The following ZBTB41 variants were observed in gnomAD, a reference collection of about 807,000 sequenced individuals.
The protein encoded by ZBTB41 is zinc finger and BTB domain-containing protein 41.
ZBTB41 carries 42 observed loss-of-function variants against 87.6 expected under a neutral mutation model. That is an observed-to-expected ratio of 0.48 (90% CI 0.37 to 0.62). The LOEUF (loss-of-function observed/expected upper bound fraction) is 0.62. Ranked by LOEUF, ZBTB41 falls within the 20% of genes least tolerant of loss-of-function variation. ZBTB41 has a pLI of 0.00. For synonymous variants in ZBTB41, 364 were observed against 364.0 expected (o/e 1.00, Z 0.00); for missense variants, 799 against 1,078.9 (o/e 0.74, Z 3.63).
intron 2 of ZBTB41, among the ~76,000 whole-genome samples, chr1:197,197,694 C>A (rs528059115): frequency 1.1e-3 from 168 of 151,992 alleles, no homozygotes; most frequent in Middle Eastern, 6.8e-3. Context: ...CTCTAGTTTC[C>A]TAGGATGCTC....
chr1:197,161,913 T>G (rs527419872), intron 10 of ZBTB41, among the ~76,000 whole-genome samples: 1 of 152,000 alleles, frequency 6.6e-6, no homozygotes, highest in African/African-American at 2.4e-5. Context: ...AGAGTCTACT[T>G]TTATAGACAA....
chr1:197,188,184 A>T lies in ZBTB41; in HGVS notation c.1546+108T>A, dbSNP rs781477393. The T allele has an allele frequency of 5.3e-4, 712 of 1,352,090 alleles. 1 individual carries two copies. The highest frequency in any genetic ancestry group is 7.1e-4 in the Non-Finnish European group (692 of 980,612). 83.8% of individuals were successfully genotyped at this position (1,352,090 alleles called of 1,614,324 possible). A position where few individuals can be genotyped will look rare whatever the true frequency, so the allele number is the denominator to read the frequency against. ...TTGCTGTGAACCTAAAACCACTCTTAAAAAGTCTTTTAGAAGAAAAAGAGT... is the reference window on the plus strand; with the variant it reads ...TTGCTGTGAACCTAAAACCACTCTTTAAAAGTCTTTTAGAAGAAAAAGAGT... On this transcript the variant is annotated intron_variant, in intron 5 of 10. Transcript: ENST00000367405.
At chr1:197,191,305 C>G (rs1660025091) in intron 3 of ZBTB41, among the ~76,000 whole-genome samples, 1 of 151,364 alleles carries the variant, frequency 6.6e-6, no homozygotes, top group Non-Finnish European at 1.5e-5. Context: ...ACAAAAAATA[C>G]AAAAATTAGC....
In ZBTB41 at chr1:197,155,390, T is replaced by C. The variant is rs1659042450; in HGVS notation, c.*3969A>G. The C allele has an allele frequency of 6.6e-6, 1 of 151,778 alleles. No individual in the cohort carries two copies. Among genetic ancestry groups the C allele is most frequent in the South Asian group, 2.1e-4 (1 of 4,820 alleles). The allele number at this position is 151,778 out of a possible 1,614,324, so 9.4% of individuals were successfully genotyped here. A position where few individuals can be genotyped will look rare whatever the true frequency, so the allele number is the denominator to read the frequency against. ...AAAAAAAAATAAAAATAAAAATCTA[T>C]TAATCAGTACAATCTAGCCAGCAGA... On this transcript the variant is annotated 3_prime_UTR_variant, in exon 11 of 11. Transcript: ENST00000367405.
chr1:197,159,753 G>A lies in ZBTB41; in HGVS notation c.2336C>T (p.Thr779Ile). 1.2e-6 allele frequency: 2 copies of A among 1,613,966 alleles called. No homozygotes were observed. The highest frequency in any genetic ancestry group is 1.3e-5 in the African/African-American group (1 of 75,012). Residue 779 changes from threonine to isoleucine, a missense_variant, in exon 11 of 11, where the codon ACA (threonine) becomes ATA (isoleucine). Transcript: ENST00000367405. ...EYSSDDKIFQ[T>I]ETKQYMDQPK... The stretch of plus-strand genomic sequence containing the variant: ...CTGGTCCATATATTGTTTTGTTTCT[G>A]TTTGAAAGATTTTGTCATCAGATGA...
At chr1:197,167,486 A>T (rs972019927) in intron 10 of ZBTB41, among the ~76,000 whole-genome samples, 2 of 152,170 alleles carry the variant, frequency 1.3e-5, no homozygotes, top group African/African-American at 4.8e-5. Context: ...TTTGTGAGCC[A>T]TCGCACCAAG....
intron 2 of ZBTB41, among the ~76,000 whole-genome samples, chr1:197,192,140 C>A (rs1470047206): frequency 6.6e-6 from 1 of 151,968 alleles, no homozygotes; most frequent in Non-Finnish European, 1.5e-5. Flanking sequence ...AAAAAATATT[C>A]ATGATCACAC....
Position 197,200,107 on chromosome 1 carries a change from T to C in ZBTB41, c.367A>G (p.Thr123Ala). The change falls in exon 2 of 11, where the codon ACT becomes GCT. Residue 123 changes from threonine to alanine, a missense_variant. Thr to Ala is a moderately conservative substitution (Grantham distance 58). Coordinates refer to ENST00000367405, the MANE Select transcript of ZBTB41 (RefSeq NM_194314.3). The part of the protein sequence containing the change: ...FHACLSKNPS[T>A]DVVTLDHVTH... ...ACGTGATCCAGGGTGACAACATCAGTGCTTGGATTTTTGCTCAAACACGCA... is the reference window on the plus strand; with the variant it reads ...ACGTGATCCAGGGTGACAACATCAGCGCTTGGATTTTTGCTCAAACACGCA... The C allele has an allele frequency of 1.9e-6, 3 of 1,613,898 alleles. No individual in the cohort carries two copies. Among genetic ancestry groups the C allele is most frequent in the Middle Eastern group, 1.6e-4 (1 of 6,062 alleles).
At chr1:197,193,132 T>C (rs753444000) in intron 2 of ZBTB41, among the ~76,000 whole-genome samples, 4 of 152,084 alleles carry the variant, frequency 2.6e-5, no homozygotes, top group Non-Finnish European at 2.9e-5. Context: ...CCTAAATTAG[T>C]TGCGCGATTT....
At chr1:197,168,072 T>C (rs1472658415) in intron 10 of ZBTB41, among the ~76,000 whole-genome samples, 3 of 152,036 alleles carry the variant, frequency 2.0e-5, no homozygotes, top group Non-Finnish European at 4.4e-5. Context: ...GCAAGGTCAC[T>C]GGATAAAAAG....
At chr1:197,170,703 T>C (rs1659458623) in intron 10 of ZBTB41, among the ~76,000 whole-genome samples, 1 of 152,150 alleles carries the variant, frequency 6.6e-6, no homozygotes, top group African/African-American at 2.4e-5. Flanking sequence ...TGAGAGTTGG[T>C]AAATAGAGTT....
rs144266663 is a variant in ZBTB41, at chr1:197,200,446, T to G, written c.28A>C (p.Asn10His). 63 of 1,600,796 alleles carry G rather than the reference T, an allele frequency of 3.9e-5. No individual in the cohort carries two copies. The highest frequency in any genetic ancestry group is 5.1e-5 in the Non-Finnish European group (60 of 1,175,714). The change falls in exon 2 of 11, where the codon AAT becomes CAT. Residue 10 changes from asparagine (N) to histidine (H), a missense_variant. Asn to His is a moderately conservative substitution (Grantham distance 68). This residue lies in a region of ZBTB41 where 77 missense variants were observed against 68.4 expected (regional missense o/e 1.13). Transcript: ENST00000367405. ...TAGCCTAGATGGATCTTCTCAAGAT[T>G]TGAAGTAACCTTTCTCCTCTTCTTC... is the stretch of plus-strand genomic sequence containing the variant. MKKRRKVTS[N>H]LEKIHLGYHK... is the part of the protein sequence containing the mutation.
chr1:197,201,056 G>C (rs1652775819), intron 1 of ZBTB41, among the ~76,000 whole-genome samples, 167 bp downstream of exon 1: 1 of 152,206 alleles, frequency 6.6e-6, no homozygotes, highest in Admixed American at 6.5e-5. Flanking sequence ...GGTGAGAGAC[G>C]GCCCCAGGAG....
chr1:197,193,979 A>G (rs1660095196), intron 2 of ZBTB41, among the ~76,000 whole-genome samples: 1 of 152,068 alleles, frequency 6.6e-6, no homozygotes, highest in Non-Finnish European at 1.5e-5. Context: ...CTCAAGATTG[A>G]GAGACAACTT....
chr1:197,189,849 G>A (rs1571665810), intron 4 of ZBTB41, among the ~76,000 whole-genome samples: 2 of 152,296 alleles, frequency 1.3e-5, no homozygotes, highest in East Asian at 3.9e-4. Flanking sequence ...GAAGAACTAA[G>A]GTTCCTGGTA....
intron 10 of ZBTB41, among the ~76,000 whole-genome samples, chr1:197,169,915 T>A (rs913951144): frequency 6.6e-6 from 1 of 151,990 alleles, no homozygotes; most frequent in Admixed American, 6.6e-5. Flanking sequence ...GAAAATCTTA[T>A]ATACATTTTC....
chr1:197,197,942 C>T (rs1394468102), intron 2 of ZBTB41, among the ~76,000 whole-genome samples: 2 of 152,120 alleles, frequency 1.3e-5, no homozygotes, highest in African/African-American at 2.4e-5. Flanking sequence ...GTGAACTCAT[C>T]CCTATTCACT....
intron 5 of ZBTB41, among the ~76,000 whole-genome samples, chr1:197,182,716 A>T (rs901440224): frequency 6.6e-6 from 1 of 152,222 alleles, no homozygotes; most frequent in Admixed American, 6.5e-5. Context: ...TTCCTAATGT[A>T]GACAGTATGA....
At chr1:197,194,398 C>T (rs555289412) in intron 2 of ZBTB41, among the ~76,000 whole-genome samples, 1 of 152,080 alleles carries the variant, frequency 6.6e-6, no homozygotes, top group East Asian at 1.9e-4. Flanking sequence ...CATTTACTTG[C>T]TATGAAAATG....
Sources: gnomAD v4.1 joint callset for allele counts (sites outside exome capture counted in the v4.1 genomes callset) on GRCh38, gnomAD v4.1.1 for gene constraint, gnomAD v4.1.1 regional missense constraint, MANE v1.5 for transcripts, NCBI Gene and HGNC (gene_info 2026-07-23, HGNC 2026-07-21) for gene names.